The following ITGA8 variants were observed in gnomAD, a reference collection of about 807,000 sequenced individuals.
ITGA8 encodes integrin subunit alpha 8.
In ITGA8, 91 loss-of-function variants were observed where a neutral mutation model predicts 142.3. That is an observed-to-expected ratio of 0.64 (90% confidence interval 0.54 to 0.76). The LOEUF (loss-of-function observed/expected upper bound fraction) is 0.76. Among genes scored for constraint, ITGA8 ranks in the 30% least tolerant of loss-of-function variants. ITGA8 has a pLI of 0.00. For missense variants in ITGA8, 1,406 were observed against 1,327.7 expected, an observed-to-expected ratio of 1.06 and a Z score of -0.92; for synonymous variants, 505 against 485.2, an observed-to-expected ratio of 1.04 and a Z score of -0.54.
Position 15,520,350 on chromosome 10 carries a change from T to C in ITGA8, c.2983-938A>G, listed in dbSNP as rs1833035124. Among the ~76,000 whole-genome samples, 3 of 151,806 alleles carry C rather than the reference T, an allele frequency of 2.0e-5. No individual in the cohort carries two copies. In the South Asian group the frequency reaches 6.3e-4, roughly 32 times the overall value. On this transcript the variant is annotated intron_variant, in intron 28 of 29. Transcript: ENST00000378076. ...ATTGCTTGAACCTGGGAGGTGGAGG[T>C]TGTAGTGAGCCAAGATCATGCCACT...
At chr10:15,684,290 A>C (rs559414772) in intron 3 of ITGA8, among the ~76,000 whole-genome samples, 163 bp from the exon 4 acceptor site, 25 of 152,336 alleles carry the variant, frequency 1.6e-4, no homozygotes, top group Admixed American at 1.4e-3. Flanking sequence ...TTAAACTTCC[A>C]AAACTAATTT....
chr10:15,672,509 G>T, intron 7 of ITGA8, 115 bp downstream of exon 7: 1 of 1,278,900 alleles, frequency 7.8e-7, no homozygotes, highest in Non-Finnish European at 1.1e-6. Flanking sequence ...TCTAATAAGA[G>T]AACATTTGTA....
At chr10:15,550,281 C>A (rs1474788995) in intron 26 of ITGA8, among the ~76,000 whole-genome samples, 1 of 152,160 alleles carries the variant, frequency 6.6e-6, no homozygotes, top group Non-Finnish European at 1.5e-5. Flanking sequence ...ATAAATAACC[C>A]AGTCTCGGGT....
chr10:15,663,055 C>G (rs1300639672), intron 8 of ITGA8, among the ~76,000 whole-genome samples: 1 of 152,166 alleles, frequency 6.6e-6, no homozygotes, highest in Non-Finnish European at 1.5e-5. Context: ...TCCAGTGAGG[C>G]CTATGCATGT....
chr10:15,673,619 A>C (rs755978230), intron 6 of ITGA8, among the ~76,000 whole-genome samples: 1 of 152,256 alleles, frequency 6.6e-6, no homozygotes, highest in African/African-American at 2.4e-5. Flanking sequence ...TCTAAATCAC[A>C]TATCTGATTA....
At chr10:15,697,466 G>A (rs1835078695) in intron 2 of ITGA8, among the ~76,000 whole-genome samples, 1 of 152,174 alleles carries the variant, frequency 6.6e-6, no homozygotes, top group Admixed American at 6.5e-5. Flanking sequence ...GGAATTAAAT[G>A]TATGTGTTTC....
At chr10:15,566,598 C>A (rs551801591) in intron 25 of ITGA8, among the ~76,000 whole-genome samples, 2 of 151,798 alleles carry the variant, frequency 1.3e-5, no homozygotes, top group Admixed American at 1.3e-4. Context: ...ATTGCCTGAG[C>A]TCAGGAGTTT....
chr10:15,649,639 C>T (rs1442295589), intron 11 of ITGA8, among the ~76,000 whole-genome samples: 1 of 146,570 alleles, frequency 6.8e-6, no homozygotes. Flanking sequence ...AAAAATTGGG[C>T]AAAGATTTGA....
At chr10:15,579,393 C>T (rs964931129) in intron 23 of ITGA8, among the ~76,000 whole-genome samples, 1 of 151,930 alleles carries the variant, frequency 6.6e-6, no homozygotes, top group Non-Finnish European at 1.5e-5. Context: ...ATATTAATCT[C>T]ATAAAATGGA....
chr10:15,528,847 A>G (rs1833231288), intron 28 of ITGA8, among the ~76,000 whole-genome samples: 1 of 152,226 alleles, frequency 6.6e-6, no homozygotes. Context: ...GGAAAGAAAA[A>G]GAGGTGGTCT....
At chr10:15,539,703 G>T (rs1446792934) in intron 27 of ITGA8, among the ~76,000 whole-genome samples, 2 of 152,128 alleles carry the variant, frequency 1.3e-5, no homozygotes, top group African/African-American at 4.8e-5. Context: ...AGGTACATGT[G>T]ATATTTTGTT....
chr10:15,613,515 G>A, intron 15 of ITGA8, 145 bp downstream of exon 15: 1 of 683,080 alleles, frequency 1.5e-6, no homozygotes, highest in Admixed American at 2.3e-5. Flanking sequence ...CAGACCAGCA[G>A]CAGCAGCATC....
intron 7 of ITGA8, 98 bp downstream of exon 7, chr10:15,672,526 G>T: frequency 7.3e-7 from 1 of 1,378,742 alleles, no homozygotes; most frequent in Non-Finnish European, 9.8e-7. Flanking sequence ...TGTATAAGAT[G>T]CCAAATAACA....
chr10:15,718,905 A>G lies in ITGA8; in HGVS notation c.210-6T>C. 1 of 1,614,000 alleles carries G rather than the reference A, an allele frequency of 6.2e-7. No individual in the cohort carries two copies. The highest frequency in any genetic ancestry group is 2.2e-5 in the East Asian group (1 of 44,872). Reference sequence around the variant, plus strand: ...CCCCCACCAAGACACTCGCTCTGCAAAAGAGTTGGAGAAAGTCACTCTTTG... The same window carrying G: ...CCCCCACCAAGACACTCGCTCTGCAGAAGAGTTGGAGAAAGTCACTCTTTG... On this transcript the variant is annotated splice_region_variant and splice_polypyrimidine_tract_variant and intron_variant, in intron 1 of 29. Coordinates refer to ENST00000378076, the MANE Select transcript of ITGA8 (RefSeq NM_003638.3).
rs1488931555 is a variant in ITGA8, at chr10:15,615,431, C to G, written c.1445+1083G>C. On this transcript the variant is annotated intron_variant, in intron 14 of 29. Coordinates refer to ENST00000378076, the MANE Select transcript of ITGA8 (RefSeq NM_003638.3). ...AAGCCGATTAGGTTAGCACTATGCA[C>G]CTAGTACACCCAGGTATGCCCTCGG... 3.9e-5 allele frequency among the ~76,000 whole-genome samples: 6 copies of G among 152,344 alleles called. No homozygotes were observed. In the East Asian group the frequency reaches 1.2e-3, roughly 29 times the overall value.
At chr10:15,647,363 CAT>C (rs1834000912) in intron 11 of ITGA8, among the ~76,000 whole-genome samples, 2 of 149,822 alleles carry the variant, frequency 1.3e-5, no homozygotes, top group South Asian at 4.2e-4. Context: ...ACAAAGCAAA[CAT>C]ATCAAGAAAG....
rs543415964 is a variant in ITGA8, at chr10:15,535,260, C to T, written c.2881-4109G>A. The stretch of plus-strand genomic sequence containing the variant: ...CTGTGCAGCCCGAGCCTCCCTGACG[C>T]GCACCGCCCCCTGCTCCACGGTACC... On this transcript the variant is annotated intron_variant, in intron 27 of 29. Transcript: ENST00000378076. Among the ~76,000 whole-genome samples the T allele has an allele frequency of 1.6e-3, 240 of 152,272 alleles. 1 individual carries two copies. Among genetic ancestry groups the T allele is most frequent in the African/African-American group, 5.3e-3 (219 of 41,566 alleles).
intron 26 of ITGA8, among the ~76,000 whole-genome samples, chr10:15,551,468 A>T (rs2131560599): frequency 6.6e-6 from 1 of 152,256 alleles, no homozygotes; most frequent in African/African-American, 2.4e-5. Context: ...GGCATCAAGA[A>T]AGGCAAGGTG....
chr10:15,582,862 A>G (rs1187539364), intron 23 of ITGA8, among the ~76,000 whole-genome samples: 1 of 152,240 alleles, frequency 6.6e-6, no homozygotes, highest in African/African-American at 2.4e-5. Context: ...TTTCTGGAAA[A>G]CAGTTGCACA....
Sources: gnomAD v4.1 joint callset for allele counts (sites outside exome capture counted in the v4.1 genomes callset) on GRCh38, gnomAD v4.1.1 for gene constraint, MANE v1.5 for transcripts, NCBI Gene and HGNC (gene_info 2026-07-23, HGNC 2026-07-21) for gene names.